Variants in ZNF462 observed in about 807,000 individuals in gnomAD.
ZNF462 encodes the protein zinc finger PBX1-interacting protein.
Under a neutral mutation model 201.9 loss-of-function variants are expected in ZNF462, and 10 were observed. The observed-to-expected ratio is 0.05, with a 90% CI of 0.03 to 0.08. The LOEUF is 0.08. ZNF462 is among the 10% of genes least tolerant of loss of function. The pLI, the probability that ZNF462 is intolerant of heterozygous loss-of-function variation, is 1.00. For synonymous variants in ZNF462, 1,227 were observed against 1,193.3 expected (o/e 1.03, Z -0.58); for missense variants, 2,523 against 3,168.3 (o/e 0.80, Z 4.89).
At chr9:106,961,068 T>G (rs754713355) in intron 7 of ZNF462, among the ~76,000 whole-genome samples, 4 of 152,094 alleles carry the variant, frequency 2.6e-5, no homozygotes, top group Admixed American at 6.6e-5. Flanking sequence ...AAGGGCTCTA[T>G]TTGTATGGTC....
chr9:106,997,468 A>G (rs1307776462), intron 10 of ZNF462, among the ~76,000 whole-genome samples: 1 of 152,208 alleles, frequency 6.6e-6, no homozygotes, highest in African/African-American at 2.4e-5. Flanking sequence ...AAAGTGGTAC[A>G]TAAACACACA....
At chr9:106,961,406 A>C (rs745993885) in intron 7 of ZNF462, among the ~76,000 whole-genome samples, 8 of 152,156 alleles carry the variant, frequency 5.3e-5, no homozygotes, top group Non-Finnish European at 5.9e-5. Flanking sequence ...GGCTTATTTC[A>C]GCAAACATGG....
intron 10 of ZNF462, among the ~76,000 whole-genome samples, chr9:106,994,705 T>C (rs1344787378): frequency 6.6e-6 from 1 of 152,106 alleles, no homozygotes; most frequent in East Asian, 1.9e-4. Flanking sequence ...CAGAATTAGA[T>C]GAGCAAGAGG....
chr9:106,960,020 GA>G (rs1250510698), intron 7 of ZNF462, among the ~76,000 whole-genome samples: 1 of 151,810 alleles, frequency 6.6e-6, no homozygotes, highest in African/African-American at 2.4e-5. Context: ...GAAAATAAAA[GA>G]AAAAAAGGGT....
At chr9:106,894,314 T>TTGACA (rs1257882775) in intron 1 of ZNF462, among the ~76,000 whole-genome samples, 1 of 152,220 alleles carries the variant, frequency 6.6e-6, no homozygotes, top group Non-Finnish European at 1.5e-5. Context: ...AATGATCAGT[T>TTGACA]TGACAGTGTA....
intron 1 of ZNF462, among the ~76,000 whole-genome samples, chr9:106,892,879 C>T (rs532188977): frequency 1.3e-5 from 2 of 152,132 alleles, no homozygotes; most frequent in Non-Finnish European, 2.9e-5. Context: ...TCACCCTGGC[C>T]CCAGGCTTCT....
chr9:106,914,449 G>A (rs1829684998), intron 1 of ZNF462, among the ~76,000 whole-genome samples: 1 of 152,190 alleles, frequency 6.6e-6, no homozygotes, highest in Admixed American at 6.5e-5. Context: ...CCCCAAGTTG[G>A]GGCAAGCGGG....
intron 1 of ZNF462, among the ~76,000 whole-genome samples, chr9:106,910,379 T>TTTTG (rs1829499478): frequency 2.0e-5 from 3 of 149,918 alleles, no homozygotes; most frequent in African/African-American, 7.3e-5. Flanking sequence ...TTTTTTTTTT[T>TTTTG]TTTTTTTAAT....
chr9:106,934,352 A>G (rs1017649666), intron 5 of ZNF462, among the ~76,000 whole-genome samples: 3 of 151,960 alleles, frequency 2.0e-5, no homozygotes, highest in Non-Finnish European at 2.9e-5. Flanking sequence ...AAGAAGCAAT[A>G]ATAGTAGCTA....
At chr9:106,862,745 G>GTGAT (rs566348878), upstream of ZNF462, among the ~76,000 whole-genome samples, 46 of 152,300 alleles carry the variant, frequency 3.0e-4, no homozygotes, top group African/African-American at 1.0e-3. The surrounding 1 kb of genome is among the most constrained non-coding windows in gnomAD (Gnocchi z 4.2). Flanking sequence ...AGCAGCAGCA[G>GTGAT]CCTCAGCATC....
chr9:106,925,205 A>G lies in ZNF462; in HGVS notation c.1293A>G (p.Pro431=). The change falls in exon 3 of 13, where the codon CCA becomes CCG. Residue 431 remains proline, a synonymous_variant. Coordinates refer to ENST00000277225, the MANE Select transcript of ZNF462 (RefSeq NM_021224.6). This position sits in a 1 kb window ranked among gnomAD's most constrained non-coding sequence, Gnocchi z 7.9. ...GNKLLETKGI[P]FRRFMNRFQC... ...AATTATTGGAGACCAAGGGGATTCC[A>G]TTTAGAAGATTCATGAATAGGTTCC... is the stretch of plus-strand genomic sequence containing the variant. 1 of 1,614,220 alleles carries G rather than the reference A, an allele frequency of 6.2e-7. No homozygotes were observed. Among genetic ancestry groups the G allele is most frequent in the Non-Finnish European group, 8.5e-7 (1 of 1,180,044 alleles).
chr9:106,914,818 A>G (rs1161143966), intron 1 of ZNF462, among the ~76,000 whole-genome samples: 2 of 152,104 alleles, frequency 1.3e-5, no homozygotes, highest in African/African-American at 2.4e-5. Context: ...AGGGGTTTCA[A>G]TTTTGTAGAT....
intron 1 of ZNF462, among the ~76,000 whole-genome samples, chr9:106,874,290 G>A (rs1203290505): frequency 6.6e-6 from 1 of 152,190 alleles, no homozygotes; most frequent in Non-Finnish European, 1.5e-5. Flanking sequence ...AGCATTCTAG[G>A]ATAATCCCTC....
intron 10 of ZNF462, among the ~76,000 whole-genome samples, chr9:106,995,169 G>T (rs1051895144): frequency 6.6e-6 from 1 of 152,190 alleles, no homozygotes; most frequent in Admixed American, 6.5e-5. Flanking sequence ...TTGAGTACTT[G>T]TGTCTGAAGT....
chr9:106,932,596 A>G lies in ZNF462; in HGVS notation c.6116+47A>G, dbSNP rs1830469868. 6.2e-7 allele frequency: 1 copy of G among 1,613,276 alleles called. No individual in the cohort carries two copies. The highest frequency in any genetic ancestry group is 1.1e-5 in the South Asian group (1 of 91,022). The stretch of plus-strand genomic sequence containing the variant: ...CTAGTGGTTACTGGGAGATGATGTC[A>G]TAGTGGAAGGCACTAAGCTAAAGCA... On this transcript the variant is annotated intron_variant, in intron 5 of 12. Coordinates refer to ENST00000277225, the MANE Select transcript of ZNF462 (RefSeq NM_021224.6). This position sits in a 1 kb window ranked among gnomAD's most constrained non-coding sequence, Gnocchi z 6.8.
At chr9:106,864,122 A>G (rs1827215735) in intron 1 of ZNF462, among the ~76,000 whole-genome samples, 1 of 101,022 alleles carries the variant, frequency 9.9e-6, no homozygotes, top group Non-Finnish European at 1.9e-5. Context: ...CTCTCCCCGA[A>G]GTTGGGATGC....
At chr9:106,956,720 C>T (rs1831591632) in intron 7 of ZNF462, among the ~76,000 whole-genome samples, 1 of 152,182 alleles carries the variant, frequency 6.6e-6, no homozygotes, top group Non-Finnish European at 1.5e-5. Flanking sequence ...TCTGCTGCAG[C>T]TTCTACGTCA....
At position 106,930,927 on chromosome 9, in the gene ZNF462, A is replaced by G; in HGVS notation, c.6012+238A>G. ...TCCACGCGGATAGTTTGGTGGCAGC[A>G]GAAGGTCCAGGATTCTCGGTCTAGG... is the stretch of plus-strand genomic sequence containing the variant. On this transcript the variant is annotated intron_variant, in intron 4 of 12. Transcript: ENST00000277225. This position sits in a 1 kb window ranked among gnomAD's most constrained non-coding sequence, Gnocchi z 5.8. 2.2e-6 allele frequency: 1 copy of G among 448,020 alleles called. No homozygotes were observed. Among genetic ancestry groups the G allele is most frequent in the African/African-American group, 2.0e-5 (1 of 50,806 alleles). 27.8% of individuals were successfully genotyped at this position (448,020 alleles called of 1,614,324 possible). A position where few individuals can be genotyped will look rare whatever the true frequency, so the allele number is the denominator to read the frequency against.
In ZNF462 at chr9:106,935,099, C is replaced by A. The variant is rs760863712; in HGVS notation, c.6117-404C>A. ...TTCAAATGCTAAATTTCTCTAATTC[C>A]CATTCTGTTATTTGAATAAGTTAGA... is the stretch of plus-strand genomic sequence containing the variant. On this transcript the variant is annotated intron_variant, in intron 5 of 12. Transcript: ENST00000277225. This position sits in a 1 kb window ranked among gnomAD's most constrained non-coding sequence, Gnocchi z 4.1. 9.9e-5 allele frequency among the ~76,000 whole-genome samples: 15 copies of A among 152,118 alleles called. No individual in the cohort carries two copies. The highest frequency in any genetic ancestry group is 5.2e-4 in the Admixed American group (8 of 15,268).
Sources: gnomAD v4.1 joint callset for allele counts (sites outside exome capture counted in the v4.1 genomes callset) on GRCh38, gnomAD v4.1.1 for gene constraint, Gnocchi (gnomAD v3.1) non-coding constraint, MANE v1.5 for transcripts, NCBI Gene and HGNC (gene_info 2026-07-23, HGNC 2026-07-21) for gene names.